FAAH2: variants seen among roughly 807,000 people sequenced by gnomAD.
The protein encoded by FAAH2 is fatty-acid amide hydrolase 2.
Under a neutral mutation model 36.9 loss-of-function variants are expected in FAAH2, and 60 were observed. The ratio of observed to expected loss-of-function variants is 1.63; its 90% CI spans 1.32 to 2.02. FAAH2 has a LOEUF of 2.02. Among genes scored for constraint, FAAH2 ranks in the 30% most tolerant of loss-of-function variants. The pLI is 0.00. For synonymous variants in FAAH2, 214 were observed against 143.8 expected, an observed-to-expected ratio of 1.49 and a Z score of -3.49; for missense variants, 689 against 397.5, an observed-to-expected ratio of 1.73 and a Z score of -6.23.
intron 3 of FAAH2, among the ~76,000 whole-genome samples, chrX:57,325,294 A>C (rs2053178502): frequency 9.0e-6 from 1 of 110,871 alleles, no homozygotes; most frequent in South Asian, 3.8e-4. Context: ...ATTGGTCTAA[A>C]ATTGTCTTTT....
intron 7 of FAAH2, among the ~76,000 whole-genome samples, chrX:57,390,098 A>C (rs1240743903): frequency 8.9e-6 from 1 of 111,804 alleles, no homozygotes; most frequent in African/African-American, 3.2e-5. Flanking sequence ...ATCCTATATC[A>C]AATATATGTT....
chrX:57,434,749 G>A lies in FAAH2; in HGVS notation c.1116+2712G>A, dbSNP rs368493652. 9.0e-5 allele frequency among the ~76,000 whole-genome samples: 10 copies of A among 111,577 alleles called. No individual in the cohort carries two copies. The East Asian group carries it at 1.4e-3, about 16-fold the overall frequency. The stretch of plus-strand genomic sequence containing the variant: ...AATTATTTATGGAAGCATCTCAAGT[G>A]TAGCAAGAGATTTAGACATCCAGAT... On this transcript the variant is annotated intron_variant, in intron 8 of 10. Coordinates refer to ENST00000374900, the MANE Select transcript of FAAH2 (RefSeq NM_174912.4).
the FAAH2 span, among the ~76,000 whole-genome samples, chrX:57,178,346 T>C: frequency 1.8e-5 from 2 of 112,040 alleles, no homozygotes; most frequent in Non-Finnish European, 3.8e-5. Context: ...CACTGTGTTA[T>C]TGTGCCTGCA....
chrX:57,444,420 A>G (rs775652206), intron 8 of FAAH2, among the ~76,000 whole-genome samples: 1 of 112,189 alleles, frequency 8.9e-6, no homozygotes, highest in Non-Finnish European at 1.9e-5. Context: ...GGCACAGGAT[A>G]TGATTTCCTG....
chrX:57,331,763 C>T lies in FAAH2; in HGVS notation c.578C>T (p.Ser193Leu). ...TCCAGTAACAAGATCTATGGCCGAT[C>T]AAACAACCCATATGATTTACAGCAT... is the stretch of plus-strand genomic sequence containing the variant. ...YESSNKIYGR[S>L]NNPYDLQHIV... The change falls in exon 4 of 11, where the codon TCA becomes TTA. Residue 193 changes from serine (S) to leucine (L), a missense_variant. Ser to Leu is a moderately radical substitution (Grantham distance 145). Transcript: ENST00000374900. The T allele has an allele frequency of 8.3e-7, 1 of 1,211,505 alleles. No individual in the cohort carries two copies. Among genetic ancestry groups the T allele is most frequent in the Non-Finnish European group, 1.1e-6 (1 of 895,473 alleles).
chrX:57,466,156 C>CTCTCTATATA (rs1287266105), intron 10 of FAAH2, among the ~76,000 whole-genome samples: 1,694 of 66,303 alleles, frequency 0.026, 25 homozygotes, highest in Middle Eastern at 0.055. Flanking sequence ...CTCTCTCTCT[C>CTCTCTATATA]TATATATATA....
chrX:57,477,161 C>A lies in FAAH2; in HGVS notation c.1424-11596C>A, dbSNP rs369942478. On this transcript the variant is annotated intron_variant, in intron 10 of 10. Coordinates refer to ENST00000374900, the MANE Select transcript of FAAH2 (RefSeq NM_174912.4). The stretch of plus-strand genomic sequence containing the variant: ...TTTTCAAAAAACCTGTTCCTGGAGT[C>A]ATTGATTTTTTTGAAGGGTTTTTCA... Among the ~76,000 whole-genome samples, 8 of 110,289 alleles carry A rather than the reference C, an allele frequency of 7.3e-5. No individual in the cohort carries two copies. In the East Asian group the frequency reaches 2.3e-3, roughly 31 times the overall value.
chrX:57,380,768 A>G, intron 6 of FAAH2, 144 bp from the exon 7 acceptor site: 1 of 358,843 alleles, frequency 2.8e-6, no homozygotes, highest in East Asian at 4.3e-5. Context: ...GCAAATCTAA[A>G]TTCTAAAGGT....
the FAAH2 span, among the ~76,000 whole-genome samples, chrX:57,205,945 C>T: frequency 1.8e-5 from 2 of 111,417 alleles, no homozygotes; most frequent in East Asian, 2.8e-4. Flanking sequence ...ATCGTAGTAG[C>T]GATTTGATCC....
intron 4 of FAAH2, among the ~76,000 whole-genome samples, chrX:57,333,626 A>T (rs866079617): frequency 5.8e-4 from 65 of 111,324 alleles, no homozygotes; most frequent in African/African-American, 2.0e-3. Flanking sequence ...AGAAATGAAG[A>T]ACATCTTTGA....
chrX:57,205,026 G>T, the FAAH2 span, among the ~76,000 whole-genome samples: 1 of 112,445 alleles, frequency 8.9e-6, no homozygotes, highest in Non-Finnish European at 1.9e-5. Flanking sequence ...AACACAGGCA[G>T]GAGACTCCTG....
chrX:57,231,803 A>G, the FAAH2 span, among the ~76,000 whole-genome samples: 1 of 111,755 alleles, frequency 8.9e-6, no homozygotes, highest in South Asian at 3.7e-4. Context: ...CTCTGGCAAA[A>G]CAGAAATTGT....
chrX:57,374,179 C>T (rs2054614904), intron 5 of FAAH2, among the ~76,000 whole-genome samples: 1 of 111,339 alleles, frequency 9.0e-6, no homozygotes, highest in Admixed American at 9.6e-5. Flanking sequence ...TTTTGCTTAG[C>T]TTTGCTTTGG....
chrX:57,286,320 T>C (rs1301144390), upstream of FAAH2, among the ~76,000 whole-genome samples: 3 of 112,282 alleles, frequency 2.7e-5, no homozygotes, highest in East Asian at 8.4e-4. Flanking sequence ...TACAAAGGTA[T>C]ACTTACAACA....
At chrX:57,356,382 C>T (rs1378273407) in intron 5 of FAAH2, among the ~76,000 whole-genome samples, 1 of 110,136 alleles carries the variant, frequency 9.1e-6, no homozygotes, top group Non-Finnish European at 1.9e-5. Flanking sequence ...GTATCTGTTC[C>T]TGGGATTTCC....
intron 1 of FAAH2, chrX:57,290,369 TATG>T: frequency 1.7e-6 from 1 of 580,730 alleles, no homozygotes; most frequent in Non-Finnish European, 2.1e-6. Flanking sequence ...ACTATTGAGT[TATG>T]GTGGCTGAAA....
chrX:57,314,997 T>A (rs979761662), intron 3 of FAAH2, among the ~76,000 whole-genome samples: 2 of 111,135 alleles, frequency 1.8e-5, no homozygotes, highest in African/African-American at 6.5e-5. Context: ...ATTAAGAGTT[T>A]GTTTTTCAAA....
At chrX:57,457,920 C>A (rs1457873433) in intron 10 of FAAH2, among the ~76,000 whole-genome samples, 1 of 111,689 alleles carries the variant, frequency 9.0e-6, no homozygotes, top group Admixed American at 9.5e-5. Flanking sequence ...ATATTAATGC[C>A]ATTTTTACAA....
chrX:57,166,555 C>T, the FAAH2 span, among the ~76,000 whole-genome samples: 22 of 112,374 alleles, frequency 2.0e-4, no homozygotes, highest in South Asian at 7.8e-3. Context: ...ATTAAGGGAG[C>T]TTTCCCTGTT....
Sources: gnomAD v4.1 joint callset for allele counts (sites outside exome capture counted in the v4.1 genomes callset) on GRCh38, gnomAD v4.1.1 for gene constraint, MANE v1.5 for transcripts, NCBI Gene and HGNC (gene_info 2026-07-23, HGNC 2026-07-21) for gene names.